DICER1: variants seen among roughly 807,000 people sequenced by gnomAD.
The protein encoded by DICER1 is dicer 1, ribonuclease III.
DICER1 carries 43 observed loss-of-function variants against 194.1 expected under a neutral mutation model. The ratio of observed to expected loss-of-function variants is 0.22; its 90% CI spans 0.17 to 0.29. The LOEUF (loss-of-function observed/expected upper bound fraction) is 0.29. Ranked by LOEUF, DICER1 falls within the 10% of genes least tolerant of loss-of-function variation. The probability of loss-of-function intolerance (pLI) is 1.00; values close to 1 mark genes in which losing one functional copy is unlikely to be tolerated. For synonymous variants in DICER1, 832 were observed against 820.5 expected, an observed-to-expected ratio of 1.01 and a Z score of -0.24; for missense variants, 1,608 against 2,317.0, an observed-to-expected ratio of 0.69 and a Z score of 6.28.
At chr14:95,116,368 G>C in intron 10 of DICER1, 85 bp downstream of exon 10, 1 of 1,502,134 alleles carries the variant, frequency 6.7e-7, no homozygotes, top group South Asian at 1.2e-5. Flanking sequence ...CTCATTATCT[G>C]TTCCTATGGA....
At chr14:95,115,859 A>T in intron 10 of DICER1, 38 bp from the exon 11 acceptor site, 6 of 1,605,668 alleles carry the variant, frequency 3.7e-6, no homozygotes, top group Non-Finnish European at 5.1e-6. Context: ...ATGAAAACAC[A>T]TCCTCTCTGC....
chr14:95,157,667 G>GGCGC, upstream of DICER1: 1 of 152,566 alleles, frequency 6.6e-6, no homozygotes, highest in Non-Finnish European at 1.5e-5. Flanking sequence ...GGAGACAGCG[G>GGCGC]GCGCGCGCGC....
chr14:95,124,274 T>C lies in DICER1; in HGVS notation c.1298A>G (p.Asn433Ser), dbSNP rs1893191542. The C allele has an allele frequency of 6.2e-7, 1 of 1,613,944 alleles. No homozygotes were observed. The highest frequency in any genetic ancestry group is 8.5e-7 in the Non-Finnish European group (1 of 1,180,008). The change falls in exon 8 of 27, where the codon AAT becomes AGT. Residue 433 changes from asparagine (N) to serine (S), a missense_variant. Transcript: ENST00000343455. The surrounding 1 kb of genome is among the most constrained non-coding windows in gnomAD (Gnocchi z 4.5). ...EIEEKEKPET[N>S]FPSPFTNILC... The stretch of plus-strand genomic sequence containing the variant: ...AATGTTGGTAAAAGGAGAAGGAAAA[T>C]TTGTCTCTGGCTTCTCTTTTTCTTC...
chr14:95,099,765 C>T lies in DICER1; in HGVS notation c.4206+15G>A. 1.7e-6 allele frequency: 1 copy of T among 585,912 alleles called. No individual in the cohort carries two copies. Among genetic ancestry groups the T allele is most frequent in the Non-Finnish European group, 2.4e-6 (1 of 419,262 alleles). 36.3% of individuals were successfully genotyped at this position (585,912 alleles called of 1,614,324 possible). ...ACACACACACACACACACACACACA[C>T]ACACACAAACTTACCATTTCATCTT... On this transcript the variant is annotated intron_variant, in intron 22 of 26. Coordinates refer to ENST00000343455, the MANE Select transcript of DICER1 (RefSeq NM_177438.3).
At chr14:95,111,549 A>G (rs1891963437) in intron 13 of DICER1, 93 bp from the exon 14 acceptor site, 2 of 1,370,376 alleles carry the variant, frequency 1.5e-6, no homozygotes, top group African/African-American at 1.4e-5. Context: ...AAGGACCTGG[A>G]AAAGTAATGG....
At chr14:95,130,606 T>C (rs1464147104) in intron 4 of DICER1, among the ~76,000 whole-genome samples, 2 of 152,250 alleles carry the variant, frequency 1.3e-5, no homozygotes, top group Admixed American at 1.3e-4. Flanking sequence ...CCTATCATTA[T>C]GTGGATATTT....
chr14:95,105,307 A>G lies in DICER1; in HGVS notation c.3094-61T>C. 2.1e-6 allele frequency: 3 copies of G among 1,457,642 alleles called. No individual in the cohort carries two copies. Among genetic ancestry groups the G allele is most frequent in the Non-Finnish European group, 2.9e-6 (3 of 1,044,512 alleles). The allele number at this position is 1,457,642 out of a possible 1,614,324, so 90.3% of individuals were successfully genotyped here. A position where few individuals can be genotyped will look rare whatever the true frequency, so the allele number is the denominator to read the frequency against. On this transcript the variant is annotated intron_variant, in intron 19 of 26. Transcript: ENST00000343455. This position sits in a 1 kb window ranked among gnomAD's most constrained non-coding sequence, Gnocchi z 4.9. Reference sequence around the variant, plus strand: ...AAGCGCACACACAAAAGAAAAAAAAAAAGACCAATTTCACTAATGGATAAA... The same window carrying G: ...AAGCGCACACACAAAAGAAAAAAAAGAAGACCAATTTCACTAATGGATAAA...
At chr14:95,152,314 A>G (rs563805624) in intron 1 of DICER1, among the ~76,000 whole-genome samples, 1 of 152,384 alleles carries the variant, frequency 6.6e-6, no homozygotes, top group Non-Finnish European at 1.5e-5. Context: ...ACCAAGTAGC[A>G]TGATTTGTCC....
intron 8 of DICER1, among the ~76,000 whole-genome samples, chr14:95,119,097 C>T (rs1892730307): frequency 6.6e-6 from 1 of 151,886 alleles, no homozygotes; most frequent in African/African-American, 2.4e-5. Flanking sequence ...AAATAAATCA[C>T]CTTAGAAATA....
At chr14:95,121,289 T>C (rs992938444) in intron 8 of DICER1, among the ~76,000 whole-genome samples, 2 of 152,186 alleles carry the variant, frequency 1.3e-5, no homozygotes, top group Non-Finnish European at 2.9e-5. Context: ...ATTAAAGACA[T>C]TATCCCTTAC....
chr14:95,103,823 T>C lies in DICER1; in HGVS notation c.3573A>G (p.Leu1191=). The C allele has an allele frequency of 6.2e-7, 1 of 1,614,234 alleles. No individual in the cohort carries two copies. Among genetic ancestry groups the C allele is most frequent in the African/African-American group, 1.3e-5 (1 of 75,062 alleles). Residue 1191 remains leucine, a synonymous_variant, in exon 21 of 27, where the codon TTA becomes TTG. Transcript: ENST00000343455. ...NQNLANGSYD[L]ANRDFCQGNQ... is the part of the protein sequence containing the mutation. The stretch of plus-strand genomic sequence containing the variant: ...TTCCTTGGCAAAAGTCTCTGTTAGC[T>C]AAATCATAACTGCCATTGGCGAGAT...
intron 1 of DICER1, among the ~76,000 whole-genome samples, chr14:95,144,138 A>G (rs981650773): frequency 6.6e-6 from 1 of 152,184 alleles, no homozygotes; most frequent in Non-Finnish European, 1.5e-5. Flanking sequence ...ACACATTTAT[A>G]TTTATACATA....
In DICER1 at chr14:95,131,580, CCCCAA is replaced by C; in HGVS notation, c.362_366del (p.Val121GlyfsTer22). The C allele has an allele frequency of 6.2e-7, 1 of 1,613,346 alleles. No homozygotes were observed. Among genetic ancestry groups the C allele is most frequent in the Non-Finnish European group, 8.5e-7 (1 of 1,179,360 alleles). On this transcript the variant is annotated frameshift_variant, in exon 4 of 27. Coordinates refer to ENST00000343455, the MANE Select transcript of DICER1 (RefSeq NM_177438.3). LOFTEE classifies it high-confidence loss of function. ...GCATTTACTTCTAGGTTTGAGTATT[CCCCAA>C]CCTTGAGATCTGAATGAGTTCTGAC...
At chr14:95,144,703 T>G (rs535439960) in intron 1 of DICER1, among the ~76,000 whole-genome samples, 1 of 152,262 alleles carries the variant, frequency 6.6e-6, no homozygotes, top group African/African-American at 2.4e-5. Context: ...ATAGCCAGAT[T>G]AACCTGAAAA....
Position 95,129,521 on chromosome 14 carries a change from T to A in DICER1, c.685A>T (p.Ile229Phe), listed in dbSNP as rs553116282. Residue 229 changes from isoleucine (I) to phenylalanine (F), a missense_variant, in exon 6 of 27, where the codon ATT (isoleucine) becomes TTT (phenylalanine). Transcript: ENST00000343455. ...LEEKIQKLEK[I>F]LKSNAETATD... ...GCAGTTTCAGCATTACTCTTAAGAA[T>A]TTTCTCTAGTTTCTGAATCTTTTCT... 2 of 1,613,952 alleles carry A rather than the reference T, an allele frequency of 1.2e-6. No homozygotes were observed. The highest frequency in any genetic ancestry group is 3.3e-5 in the Admixed American group (2 of 60,022).
chr14:95,130,258 C>T, intron 4 of DICER1, 66 bp from the exon 5 acceptor site: 1 of 1,484,376 alleles, frequency 6.7e-7, no homozygotes. Context: ...TACATAAAAT[C>T]AGATCATAGA....
chr14:95,129,679 C>G (rs781588632), intron 5 of DICER1, 47 bp from the exon 6 acceptor site: 1 of 1,551,092 alleles, frequency 6.4e-7, no homozygotes, highest in East Asian at 2.2e-5. Flanking sequence ...TTTTGCAAGG[C>G]TATAACAAGA....
chr14:95,136,412 C>G (rs182431730), intron 1 of DICER1, among the ~76,000 whole-genome samples: 1 of 151,960 alleles, frequency 6.6e-6, no homozygotes, highest in African/African-American at 2.4e-5. Flanking sequence ...GAGAATCACT[C>G]GATCACTCAG....
chr14:95,098,018 A>C (rs532360902), intron 22 of DICER1, among the ~76,000 whole-genome samples: 1 of 152,198 alleles, frequency 6.6e-6, no homozygotes, highest in Non-Finnish European at 1.5e-5. Context: ...AAAAAATCAG[A>C]CAATATTTTT....
Sources: allele counts gnomAD v4.1 joint callset (sites outside exome capture counted in the v4.1 genomes callset), GRCh38; gene constraint gnomAD v4.1.1; non-coding constraint Gnocchi (gnomAD v3.1); transcripts MANE v1.5; gene names NCBI Gene and HGNC (gene_info 2026-07-23, HGNC 2026-07-21).